KCNT2: variants seen among roughly 807,000 people sequenced by gnomAD.
KCNT2 encodes the protein potassium sodium-activated channel subfamily T member 2.
Under a neutral mutation model 153.8 loss-of-function variants are expected in KCNT2, and 67 were observed. That is an observed-to-expected ratio of 0.44 (90% CI 0.36 to 0.53). KCNT2 has a LOEUF of 0.53. Ranked by LOEUF, KCNT2 falls within the 20% of genes least tolerant of loss-of-function variation. KCNT2 has a pLI of 0.00. For synonymous variants in KCNT2, 500 were observed against 458.8 expected, an observed-to-expected ratio of 1.09 and a Z score of -1.15; for missense variants, 975 against 1,354.8, an observed-to-expected ratio of 0.72 and a Z score of 4.40.
chr1:196,415,917 C>A (rs1672716496), intron 12 of KCNT2, among the ~76,000 whole-genome samples: 1 of 151,896 alleles, frequency 6.6e-6, no homozygotes, highest in South Asian at 2.1e-4. Flanking sequence ...TATAATAGTG[C>A]CCCCATCCAC....
At chr1:196,598,854 G>T (rs1664389712) in intron 1 of KCNT2, among the ~76,000 whole-genome samples, 1 of 152,272 alleles carries the variant, frequency 6.6e-6, no homozygotes, top group East Asian at 1.9e-4. Context: ...AAAAATGTTT[G>T]ACACATGCTA....
chr1:196,338,556 T>G (rs1481203802), intron 16 of KCNT2, among the ~76,000 whole-genome samples: 1 of 152,050 alleles, frequency 6.6e-6, no homozygotes, highest in Non-Finnish European at 1.5e-5. Flanking sequence ...GGTTATCCTA[T>G]TTATAAGTTA....
intron 25 of KCNT2, among the ~76,000 whole-genome samples, chr1:196,278,270 C>T (rs147243041): frequency 1.3e-5 from 2 of 152,202 alleles, no homozygotes; most frequent in African/African-American, 2.4e-5. Context: ...AAAACATTTA[C>T]GACAAAATAT....
At chr1:196,241,697 A>G (rs751046622) in intron 26 of KCNT2, among the ~76,000 whole-genome samples, 1 of 152,086 alleles carries the variant, frequency 6.6e-6, no homozygotes, top group Non-Finnish European at 1.5e-5. Context: ...AATGAATAGA[A>G]AGATTTTCAG....
intron 1 of KCNT2, among the ~76,000 whole-genome samples, chr1:196,549,781 A>G (rs1657646693): frequency 6.6e-6 from 1 of 151,916 alleles, no homozygotes; most frequent in South Asian, 2.1e-4. Flanking sequence ...AGCTGAAAGC[A>G]GTTTTCTTGA....
At chr1:196,440,624 T>C (rs1331713177) in intron 8 of KCNT2, among the ~76,000 whole-genome samples, 1 of 151,986 alleles carries the variant, frequency 6.6e-6, no homozygotes, top group Non-Finnish European at 1.5e-5. Context: ...AACTTTTATC[T>C]TTGTCTATGA....
intron 2 of KCNT2, 132 bp downstream of exon 2, chr1:196,492,130 C>T (rs1679903141): frequency 1.1e-6 from 1 of 890,314 alleles, no homozygotes; most frequent in Non-Finnish European, 1.5e-6. Flanking sequence ...AATTTTATTC[C>T]TCTACCACCT....
chr1:196,439,533 T>C (rs1304331228), intron 8 of KCNT2, among the ~76,000 whole-genome samples: 1 of 151,978 alleles, frequency 6.6e-6, no homozygotes, highest in Non-Finnish European at 1.5e-5. Context: ...AAATAGTTAT[T>C]GATTTTCCAA....
At chr1:196,493,686 T>C (rs1445465736) in intron 1 of KCNT2, among the ~76,000 whole-genome samples, 3 of 152,200 alleles carry the variant, frequency 2.0e-5, no homozygotes, top group African/African-American at 4.8e-5. Context: ...GTATTTCTCC[T>C]AATGCTATCC....
chr1:196,253,227 T>A (rs1482225452), intron 26 of KCNT2, among the ~76,000 whole-genome samples: 1 of 151,430 alleles, frequency 6.6e-6, no homozygotes, highest in East Asian at 1.9e-4. Flanking sequence ...TAACATTCTA[T>A]GTGTTCTTCG....
intron 25 of KCNT2, among the ~76,000 whole-genome samples, chr1:196,270,083 T>A (rs1021321789): frequency 1.3e-5 from 2 of 152,056 alleles, no homozygotes; most frequent in African/African-American, 4.8e-5. Context: ...GTTTTTTATC[T>A]TTTCTAAAGG....
chr1:196,516,395 C>T (rs900008713), intron 1 of KCNT2, among the ~76,000 whole-genome samples: 1 of 152,084 alleles, frequency 6.6e-6, no homozygotes, highest in East Asian at 1.9e-4. Context: ...AGTCCCTGAT[C>T]CCATTTTTCT....
intron 19 of KCNT2, 66 bp from the exon 20 acceptor site, chr1:196,319,621 G>A: frequency 9.8e-7 from 1 of 1,020,168 alleles, no homozygotes; most frequent in Non-Finnish European, 1.5e-6. Context: ...TCTAGGGAAA[G>A]GAAGTAAGTT....
At chr1:196,292,765 T>C (rs537582922) in intron 22 of KCNT2, among the ~76,000 whole-genome samples, 1 of 141,964 alleles carries the variant, frequency 7.0e-6, no homozygotes, top group Admixed American at 7.5e-5. Context: ...CGAGTGGAGA[T>C]TGCGCCACTG....
At chr1:196,230,982 A>G (rs1653900456) in intron 27 of KCNT2, among the ~76,000 whole-genome samples, 1 of 151,914 alleles carries the variant, frequency 6.6e-6, no homozygotes, top group Admixed American at 6.6e-5. Context: ...TAAATATTGC[A>G]TGAAAGAAAG....
At chr1:196,440,399 C>T (rs1161710376) in intron 8 of KCNT2, among the ~76,000 whole-genome samples, 1 of 151,912 alleles carries the variant, frequency 6.6e-6, no homozygotes, top group African/African-American at 2.4e-5. Flanking sequence ...TGACATTTCA[C>T]TTTTTTTATT....
At chr1:196,491,186 C>T (rs924472813) in intron 2 of KCNT2, among the ~76,000 whole-genome samples, 1 of 151,892 alleles carries the variant, frequency 6.6e-6, no homozygotes, top group African/African-American at 2.4e-5. Flanking sequence ...ACTGTTAGTA[C>T]TGAAATAAGG....
chr1:196,561,652 C>CAAAAAAAAAACAAAAAAAAAAAAAAAAA (rs1659407309), intron 1 of KCNT2, among the ~76,000 whole-genome samples: 1 of 24,154 alleles, frequency 4.1e-5, no homozygotes, highest in Non-Finnish European at 9.9e-5. Flanking sequence ...GACTTCATCT[C>CAAAAAAAAAACAAAAAAAAAAAAAAAAA]AAAAAAAAAA....
intron 18 of KCNT2, among the ~76,000 whole-genome samples, 188 bp downstream of exon 18, chr1:196,330,968 T>C (rs1664400692): frequency 6.6e-6 from 1 of 151,968 alleles, no homozygotes; most frequent in African/African-American, 2.4e-5. Context: ...GACTAAAGCA[T>C]TTGGGTAATC....
Sources: allele counts gnomAD v4.1 joint callset (sites outside exome capture counted in the v4.1 genomes callset), GRCh38; gene constraint gnomAD v4.1.1; transcripts MANE v1.5; gene names NCBI Gene and HGNC (gene_info 2026-07-23, HGNC 2026-07-21).